BMERB1: variants seen among roughly 807,000 people sequenced by gnomAD.
BMERB1 encodes bMERB domain containing 1.
Under a neutral mutation model 23.6 loss-of-function variants are expected in BMERB1, and 12 were observed. The ratio of observed to expected loss-of-function variants is 0.51; its 90% confidence interval spans 0.33 to 0.82. The LOEUF (loss-of-function observed/expected upper bound fraction) is 0.82. Ranked by LOEUF, BMERB1 falls within the 40% of genes least tolerant of loss-of-function variation. The probability of loss-of-function intolerance (pLI) is 0.03; values close to 1 mark genes in which losing one functional copy is unlikely to be tolerated. For missense variants in BMERB1, 247 were observed against 255.4 expected (o/e 0.97, Z 0.22); for synonymous variants, 122 against 96.6 (o/e 1.26, Z -1.54).
intron 1 of BMERB1, among the ~76,000 whole-genome samples, chr16:15,455,819 A>G (rs2051082924): frequency 6.6e-6 from 1 of 152,142 alleles, no homozygotes; most frequent in Non-Finnish European, 1.5e-5. Context: ...CAGCTTTAAA[A>G]CAGTCTACAG....
At chr16:15,477,439 C>T (rs2051283802) in intron 1 of BMERB1, among the ~76,000 whole-genome samples, 1 of 152,070 alleles carries the variant, frequency 6.6e-6, no homozygotes, top group Admixed American at 6.6e-5. Flanking sequence ...CAAACCATAT[C>T]AGCAACATAG....
chr16:15,523,123 T>C (rs912915482), intron 2 of BMERB1, among the ~76,000 whole-genome samples: 3 of 152,146 alleles, frequency 2.0e-5, no homozygotes, highest in Non-Finnish European at 4.4e-5. Context: ...CCCAGCAGCC[T>C]GGGCACTCCT....
chr16:15,562,828 C>A (rs2030461181), intron 2 of BMERB1, among the ~76,000 whole-genome samples: 1 of 152,200 alleles, frequency 6.6e-6, no homozygotes, highest in Non-Finnish European at 1.5e-5. Flanking sequence ...CCCGGCAAGT[C>A]CACGCTCATT....
At chr16:15,567,422 A>C (rs1187695741) in intron 2 of BMERB1, among the ~76,000 whole-genome samples, 1 of 152,124 alleles carries the variant, frequency 6.6e-6, no homozygotes, top group African/African-American at 2.4e-5. Context: ...AGGCACATGA[A>C]GACTGGAAGG....
intron 2 of BMERB1, 53 bp from the exon 3 acceptor site, chr16:15,567,930 G>T (rs954678771): frequency 7.9e-6 from 12 of 1,522,056 alleles, no homozygotes; most frequent in Non-Finnish European, 1.1e-5. Flanking sequence ...TGATGCTCAG[G>T]GCGTAATGCT....
intron 1 of BMERB1, among the ~76,000 whole-genome samples, chr16:15,454,071 TA>T (rs2051064531): frequency 6.6e-6 from 1 of 152,104 alleles, no homozygotes; most frequent in Admixed American, 6.6e-5. Context: ...CTCTGCTCTC[TA>T]GGGGGGCACC....
chr16:15,516,919 C>T (rs2051767703), intron 2 of BMERB1, among the ~76,000 whole-genome samples: 1 of 152,154 alleles, frequency 6.6e-6, no homozygotes, highest in Non-Finnish European at 1.5e-5. Context: ...CGTCATAGCT[C>T]ACTGCAGCCT....
chr16:15,547,592 G>A (rs983033314), intron 2 of BMERB1, among the ~76,000 whole-genome samples: 1 of 151,912 alleles, frequency 6.6e-6, no homozygotes. Context: ...TGATGCATCC[G>A]CCTTGGGCTC....
rs983994185 is a variant in BMERB1 at position 15,570,376 on chromosome 16, G to A, written c.304+2320G>A. Among the ~76,000 whole-genome samples, 4 of 152,268 alleles carry A rather than the reference G, an allele frequency of 2.6e-5. No homozygotes were observed. The South Asian group carries it at 6.2e-4, about 24-fold the overall frequency. On this transcript the variant is annotated intron_variant, in intron 3 of 5. Coordinates refer to ENST00000300006, the MANE Select transcript of BMERB1 (RefSeq NM_033201.3). The stretch of plus-strand genomic sequence containing the variant: ...GCAGCATGATGAGCCTTAGAGCAGC[G>A]TTTCCCAACCTTCAACTATTGACAT...
chr16:15,483,182 A>G (rs2051338592), intron 1 of BMERB1, among the ~76,000 whole-genome samples: 1 of 152,146 alleles, frequency 6.6e-6, no homozygotes, highest in Non-Finnish European at 1.5e-5. Flanking sequence ...ATATGGCCAA[A>G]CATTGTATGT....
intron 1 of BMERB1, among the ~76,000 whole-genome samples, chr16:15,446,075 G>A (rs1027296460): frequency 3.3e-5 from 5 of 152,082 alleles, no homozygotes; most frequent in East Asian, 1.9e-4. Flanking sequence ...GAAAGTAAGC[G>A]AGACTCTAAC....
chr16:15,519,180 G>A (rs2051818945), intron 2 of BMERB1, among the ~76,000 whole-genome samples: 2 of 151,778 alleles, frequency 1.3e-5, no homozygotes, highest in Admixed American at 6.6e-5. Flanking sequence ...AGGCTCAGGC[G>A]AGGAAGCTTT....
At chr16:15,490,464 G>T (rs532617041) in intron 1 of BMERB1, among the ~76,000 whole-genome samples, 2 of 152,148 alleles carry the variant, frequency 1.3e-5, no homozygotes, top group African/African-American at 4.8e-5. Context: ...TCAAAATTTT[G>T]TAGAGATGGG....
intron 2 of BMERB1, among the ~76,000 whole-genome samples, chr16:15,526,663 C>CAAAAAAA (rs57236824): frequency 2.0e-5 from 1 of 50,868 alleles, no homozygotes; most frequent in African/African-American, 5.9e-5. Context: ...GACTGCATCT[C>CAAAAAAA]AAAAAAAAAA....
chr16:15,562,669 A>G (rs1387739543), intron 2 of BMERB1, among the ~76,000 whole-genome samples: 1 of 152,080 alleles, frequency 6.6e-6, no homozygotes, highest in African/African-American at 2.4e-5. Context: ...ACACACACTC[A>G]ATTATAATAA....
chr16:15,495,766 C>T (rs1008730872), intron 1 of BMERB1, among the ~76,000 whole-genome samples: 6 of 152,216 alleles, frequency 3.9e-5, no homozygotes, highest in Non-Finnish European at 8.8e-5. Context: ...TTTGGTGCTT[C>T]TCATCTTCCA....
intron 2 of BMERB1, among the ~76,000 whole-genome samples, chr16:15,548,147 G>T (rs374192514): frequency 6.6e-6 from 1 of 151,928 alleles, no homozygotes; most frequent in South Asian, 2.1e-4. Flanking sequence ...ACCATGCCTG[G>T]CTAATTTTTG....
chr16:15,514,039 G>A (rs759651086), intron 1 of BMERB1, among the ~76,000 whole-genome samples: 7 of 152,176 alleles, frequency 4.6e-5, no homozygotes, highest in Admixed American at 3.9e-4. Flanking sequence ...AGGAGGCCAA[G>A]TTGGGAGGAT....
intron 2 of BMERB1, among the ~76,000 whole-genome samples, chr16:15,558,928 C>A (rs1233072107): frequency 6.6e-6 from 1 of 151,760 alleles, no homozygotes; most frequent in Non-Finnish European, 1.5e-5. Flanking sequence ...TCCCAGAAGC[C>A]TGCCCAAGCG....
Sources: allele counts gnomAD v4.1 joint callset (sites outside exome capture counted in the v4.1 genomes callset), GRCh38; gene constraint gnomAD v4.1.1; transcripts MANE v1.5; gene names NCBI Gene and HGNC (gene_info 2026-07-23, HGNC 2026-07-21).